The following DISC1 variants were observed in gnomAD, a reference collection of about 807,000 sequenced individuals.
DISC1 encodes disrupted in schizophrenia 1 protein.
Under a neutral mutation model 84.5 loss-of-function variants are expected in DISC1, and 57 were observed. That is an observed-to-expected ratio of 0.67 (90% CI 0.55 to 0.84). DISC1 has a LOEUF of 0.84. DISC1 is among the 40% of genes least tolerant of loss of function. The pLI is 0.00. For missense variants in DISC1, 1,000 were observed against 1,057.8 expected, an observed-to-expected ratio of 0.95 and a Z score of 0.76; for synonymous variants, 411 against 415.2, an observed-to-expected ratio of 0.99 and a Z score of 0.12.
chr1:231,802,177 T>C lies in DISC1; in HGVS notation c.1792+1967T>C, dbSNP rs111562224. Among the ~76,000 whole-genome samples, 1,136 of 152,226 alleles carry C rather than the reference T, an allele frequency of 7.5e-3. 15 individuals carry two copies. Among genetic ancestry groups the C allele is most frequent in the African/African-American group, 0.025 (1,055 of 41,536 alleles). On this transcript the variant is annotated intron_variant, in intron 8 of 12. Coordinates refer to ENST00000439617, the MANE Select transcript of DISC1 (RefSeq NM_018662.3). The stretch of plus-strand genomic sequence containing the variant: ...TAGACTGATTGATATGGTTTGGCTC[T>C]GTGTCCCTACCCAAATCTCATCTCA...
At chr1:231,765,538 T>G (rs1188161619) in intron 4 of DISC1, among the ~76,000 whole-genome samples, 1 of 152,230 alleles carries the variant, frequency 6.6e-6, no homozygotes, top group Non-Finnish European at 1.5e-5. Context: ...TAGTTGATGG[T>G]GTTTTCTTGG....
intron 10 of DISC1, among the ~76,000 whole-genome samples, chr1:231,966,550 C>T (rs1272739885): frequency 6.6e-6 from 1 of 152,236 alleles, no homozygotes; most frequent in Non-Finnish European, 1.5e-5. Context: ...AAACTCATGT[C>T]TCTGGACCAA....
At chr1:231,743,726 A>C (rs1275971783) in intron 3 of DISC1, among the ~76,000 whole-genome samples, 1 of 152,252 alleles carries the variant, frequency 6.6e-6, no homozygotes, top group Non-Finnish European at 1.5e-5. Flanking sequence ...AAGGTGGCAC[A>C]GACTGAGAGA....
At chr1:231,916,157 G>A (rs927334670) in intron 9 of DISC1, among the ~76,000 whole-genome samples, 1 of 152,182 alleles carries the variant, frequency 6.6e-6, no homozygotes, top group Non-Finnish European at 1.5e-5. Context: ...TTACCTAACT[G>A]ACTTCTGCAA....
At chr1:232,036,628 G>C (rs17773715) in intron 12 of DISC1, 64 bp from the exon 13 acceptor site, 3 of 1,408,588 alleles carry the variant, frequency 2.1e-6, no homozygotes, top group Non-Finnish European at 2.8e-6. Flanking sequence ...CACGCTCTTC[G>C]ATCCCTCGGA....
chr1:231,916,447 G>T (rs1157483918), intron 9 of DISC1, among the ~76,000 whole-genome samples: 1 of 151,916 alleles, frequency 6.6e-6, no homozygotes, highest in Non-Finnish European at 1.5e-5. Context: ...GAGGTCAGGA[G>T]ATCGAGACCA....
At chr1:231,907,127 CTTCCTCTT>C (rs1436252120) in intron 9 of DISC1, among the ~76,000 whole-genome samples, 26 of 48,594 alleles carry the variant, frequency 5.4e-4, no homozygotes, top group African/African-American at 1.6e-3. Flanking sequence ...TCCTTCCTTC[CTTCCTCTT>C]TCTTTCTTTC....
intron 6 of DISC1, among the ~76,000 whole-genome samples, chr1:231,793,325 A>AT (rs2078496065): frequency 1.3e-5 from 2 of 152,234 alleles, no homozygotes; most frequent in African/African-American, 4.8e-5. Flanking sequence ...CTCTTCTAGC[A>AT]TCTATTACAT....
intron 9 of DISC1, among the ~76,000 whole-genome samples, chr1:231,848,815 A>G (rs1472714823): frequency 1.3e-5 from 2 of 152,148 alleles, no homozygotes; most frequent in Admixed American, 6.5e-5. Context: ...GATGTCTTGG[A>G]TCAAGTTTTG....
At chr1:231,774,636 T>C (rs551626052) in intron 6 of DISC1, 3 of 454,236 alleles carry the variant, frequency 6.6e-6, no homozygotes, top group East Asian at 7.0e-5. Flanking sequence ...TCTTCCACCG[T>C]AGGGAGGTGA....
intron 9 of DISC1, among the ~76,000 whole-genome samples, chr1:231,848,312 G>A (rs1203991819): frequency 6.6e-6 from 1 of 152,152 alleles, no homozygotes; most frequent in East Asian, 1.9e-4. Flanking sequence ...ACCCTGCAGT[G>A]TTTGCACATA....
chr1:232,022,456 CACCACCACA>C (rs1161416594), intron 11 of DISC1, among the ~76,000 whole-genome samples: 1 of 152,028 alleles, frequency 6.6e-6, no homozygotes, highest in East Asian at 1.9e-4. Flanking sequence ...TACAGGCCTG[CACCACCACA>C]CCCAGCTAAT....
intron 9 of DISC1, among the ~76,000 whole-genome samples, chr1:231,931,826 T>A (rs978736481): frequency 4.6e-5 from 7 of 151,392 alleles, no homozygotes; most frequent in Non-Finnish European, 8.8e-5. Context: ...TAAAAAAAAT[T>A]TTTTTTTTAT....
intron 8 of DISC1, among the ~76,000 whole-genome samples, chr1:231,816,147 G>A (rs1169785458): frequency 6.6e-6 from 1 of 152,198 alleles, no homozygotes; most frequent in Non-Finnish European, 1.5e-5. Flanking sequence ...AAACATTTGA[G>A]TGGGCTTGTA....
At chr1:231,811,928 G>A (rs1407376503) in intron 8 of DISC1, among the ~76,000 whole-genome samples, 1 of 152,196 alleles carries the variant, frequency 6.6e-6, no homozygotes, top group Non-Finnish European at 1.5e-5. Context: ...TTCCTGGATT[G>A]TTGGGAAGAT....
At chr1:231,874,972 A>G (rs1309275870) in intron 9 of DISC1, among the ~76,000 whole-genome samples, 1 of 151,984 alleles carries the variant, frequency 6.6e-6, no homozygotes, top group Non-Finnish European at 1.5e-5. Context: ...CAATGAAGAC[A>G]TGAAAAAAAT....
At chr1:231,922,185 C>T (rs2090050708) in intron 9 of DISC1, among the ~76,000 whole-genome samples, 2 of 152,176 alleles carry the variant, frequency 1.3e-5, no homozygotes, top group Non-Finnish European at 2.9e-5. Context: ...TGAATGCCTT[C>T]TCCATGGAAT....
intron 3 of DISC1, among the ~76,000 whole-genome samples, chr1:231,722,151 CAA>C (rs750574790): frequency 1.5e-4 from 7 of 47,694 alleles, no homozygotes; most frequent in Non-Finnish European, 2.2e-4. Flanking sequence ...GACTCCATCT[CAA>C]AAAAAAAAAA....
At chr1:231,686,623 T>C (rs2064314663) in intron 1 of DISC1, among the ~76,000 whole-genome samples, 1 of 152,216 alleles carries the variant, frequency 6.6e-6, no homozygotes, top group South Asian at 2.1e-4. Flanking sequence ...GGGGCTGTTG[T>C]GAAGACCTTT....
Sources: gnomAD v4.1 joint callset for allele counts (sites outside exome capture counted in the v4.1 genomes callset) on GRCh38, gnomAD v4.1.1 for gene constraint, MANE v1.5 for transcripts, NCBI Gene and HGNC (gene_info 2026-07-23, HGNC 2026-07-21) for gene names.